GRM1: variants seen among roughly 807,000 people sequenced by gnomAD.
GRM1 encodes the protein metabotropic glutamate receptor 1.
GRM1 carries 33 observed loss-of-function variants against 90.9 expected under a neutral mutation model. The observed-to-expected ratio is 0.36, with a 90% confidence interval of 0.28 to 0.49. The LOEUF is 0.49. Among genes scored for constraint, GRM1 ranks in the 20% least tolerant of loss-of-function variants. GRM1 has a pLI of 0.99. For missense variants in GRM1, 1,190 were observed against 1,534.3 expected (o/e 0.78, Z 3.75); for synonymous variants, 700 against 613.2 (o/e 1.14, Z -2.09).
At chr6:146,219,907 T>TTTTG (rs1780000378) in intron 2 of GRM1, among the ~76,000 whole-genome samples, 1 of 148,402 alleles carries the variant, frequency 6.7e-6, no homozygotes, top group African/African-American at 2.5e-5. Flanking sequence ...TCTTGTTGTT[T>TTTTG]TGTGTGTGTG....
Position 146,370,600 on chromosome 6 carries a change from A to G in GRM1, c.1602+12906A>G, listed in dbSNP as rs563376193. 7.2e-5 allele frequency among the ~76,000 whole-genome samples: 11 copies of G among 152,124 alleles called. No individual in the cohort carries two copies. In the South Asian group the frequency reaches 2.1e-3, roughly 29 times the overall value. On this transcript the variant is annotated intron_variant, in intron 5 of 7. Transcript: ENST00000282753. ...CCATTTATTTATTCCCATGCATAACATCATGTGGGCCACAGCGGGTCACTA... is the reference window on the plus strand; with the variant it reads ...CCATTTATTTATTCCCATGCATAACGTCATGTGGGCCACAGCGGGTCACTA...
intron 7 of GRM1, among the ~76,000 whole-genome samples, chr6:146,418,872 A>G (rs1777883912): frequency 6.6e-6 from 1 of 152,110 alleles, no homozygotes; most frequent in Non-Finnish European, 1.5e-5. Flanking sequence ...TTCACGCTTA[A>G]AAGTAATGTT....
upstream of GRM1, among the ~76,000 whole-genome samples, chr6:146,029,019 G>C (rs1790605666): frequency 6.6e-6 from 1 of 152,198 alleles, no homozygotes. Context: ...AGGACAGAGG[G>C]GGCAGGACAC....
chr6:146,146,957 C>T (rs1777133352), intron 1 of GRM1, among the ~76,000 whole-genome samples: 1 of 152,202 alleles, frequency 6.6e-6, no homozygotes, highest in Non-Finnish European at 1.5e-5. Flanking sequence ...TGCTACACCT[C>T]CAGGCTCAAG....
intron 2 of GRM1, among the ~76,000 whole-genome samples, chr6:146,282,416 T>C (rs1421142345): frequency 6.6e-6 from 1 of 152,156 alleles, no homozygotes. Context: ...GGGTCACTGC[T>C]TCATATCCGT....
intron 2 of GRM1, among the ~76,000 whole-genome samples, chr6:146,249,946 G>T (rs1376566086): frequency 6.6e-6 from 1 of 152,198 alleles, no homozygotes; most frequent in Non-Finnish European, 1.5e-5. Flanking sequence ...AGTCAAAGGA[G>T]ATTATTTTGG....
chr6:146,267,410 TAGTC>T (rs746093318), intron 2 of GRM1, among the ~76,000 whole-genome samples: 8 of 152,276 alleles, frequency 5.3e-5, no homozygotes, highest in South Asian at 2.1e-4. Context: ...ACTCATGTAT[TAGTC>T]AGGGTTCTCT....
intron 2 of GRM1, among the ~76,000 whole-genome samples, chr6:146,257,256 T>C (rs1781514870): frequency 6.6e-6 from 1 of 152,192 alleles, no homozygotes; most frequent in African/African-American, 2.4e-5. Flanking sequence ...TTTCACCTTA[T>C]ACAATCAGAT....
At position 146,255,680 on chromosome 6, in the gene GRM1, C is replaced by T. The variant is rs77262667; in HGVS notation, c.951-48931C>T. On this transcript the variant is annotated intron_variant, in intron 2 of 7. Transcript: ENST00000282753. ...TCTTCAAACCAGCCTTCTCTACTGGCGAAATCATCTCTTTTTACAAATGTT... is the reference window on the plus strand; with the variant it reads ...TCTTCAAACCAGCCTTCTCTACTGGTGAAATCATCTCTTTTTACAAATGTT... Among the ~76,000 whole-genome samples, 269 of 152,248 alleles carry T rather than the reference C, an allele frequency of 1.8e-3. 1 individual carries two copies. The highest frequency in any genetic ancestry group is 6.3e-3 in the African/African-American group (263 of 41,540).
In GRM1 at chr6:146,090,208, C is replaced by T. The variant is rs976431904; in HGVS notation, c.700+59991C>T. 2.6e-5 allele frequency among the ~76,000 whole-genome samples: 4 copies of T among 152,062 alleles called. 1 individual carries two copies. The highest frequency in any genetic ancestry group is 1.3e-4 in the Admixed American group (2 of 15,240). ...ATAGCAAATTGTAGCCTCCTTGAGGCCATGGGTTTAGAGAGCAACTCTTAA... is the reference window on the plus strand; with the variant it reads ...ATAGCAAATTGTAGCCTCCTTGAGGTCATGGGTTTAGAGAGCAACTCTTAA... On this transcript the variant is annotated intron_variant, in intron 1 of 7. Coordinates refer to ENST00000282753, the MANE Select transcript of GRM1 (RefSeq NM_001278064.2).
chr6:146,366,944 C>G (rs79032308), intron 5 of GRM1, among the ~76,000 whole-genome samples: 1 of 152,076 alleles, frequency 6.6e-6, no homozygotes, highest in East Asian at 1.9e-4. Context: ...GTTGCCTGTG[C>G]TTTTGAGGTT....
chr6:146,101,738 C>T (rs915038585), intron 1 of GRM1, among the ~76,000 whole-genome samples: 7 of 151,366 alleles, frequency 4.6e-5, no homozygotes, highest in Non-Finnish European at 1.5e-5. Context: ...TGGTATATAT[C>T]ACTGGTAAAT....
chr6:146,064,871 AT>A (rs770108740), intron 1 of GRM1, among the ~76,000 whole-genome samples: 13 of 151,790 alleles, frequency 8.6e-5, no homozygotes, highest in East Asian at 3.9e-4. Context: ...TAGTTACAGA[AT>A]TTTTTTCGAG....
At position 146,269,469 on chromosome 6, in the gene GRM1, A is replaced by G. The variant is rs139892917; in HGVS notation, c.951-35142A>G. On this transcript the variant is annotated intron_variant, in intron 2 of 7. Transcript: ENST00000282753. The stretch of plus-strand genomic sequence containing the variant: ...ACATACACACTTCACAGAGAAGAGA[A>G]TCTGGATTTTGGCTGGTTGTTTCAG... Among the ~76,000 whole-genome samples, 31 of 152,344 alleles carry G rather than the reference A, an allele frequency of 2.0e-4. 1 individual carries two copies. The East Asian group carries it at 6.0e-3, about 29-fold the overall frequency.
intron 2 of GRM1, among the ~76,000 whole-genome samples, chr6:146,301,599 A>G (rs189919702): frequency 1.3e-5 from 2 of 152,278 alleles, no homozygotes; most frequent in East Asian, 3.9e-4. Context: ...ACACACTTCA[A>G]CCCTAACCTT....
At chr6:146,283,611 AATGATAATACCTC>A (rs1782659087) in intron 2 of GRM1, among the ~76,000 whole-genome samples, 1 of 152,184 alleles carries the variant, frequency 6.6e-6, no homozygotes, top group African/African-American at 2.4e-5. Context: ...AGTGGAAGAA[AATGATAATACCTC>A]ATATTTATTA....
At chr6:146,203,134 C>T (rs1480203548) in intron 2 of GRM1, among the ~76,000 whole-genome samples, 1 of 151,806 alleles carries the variant, frequency 6.6e-6, no homozygotes, top group African/African-American at 2.4e-5. Flanking sequence ...GCGGAGCTTG[C>T]AGTGAGCCAA....
intron 3 of GRM1, among the ~76,000 whole-genome samples, chr6:146,312,349 CAAAAAAAAAAAAAA>C (rs1166008558): frequency 6.4e-3 from 136 of 21,344 alleles, no homozygotes; most frequent in African/African-American, 0.016. Flanking sequence ...AACTCCGTCT[CAAAAAAAAAAAAAA>C]AAAAAAAAAA....
At chr6:146,260,923 G>T (rs1781675454) in intron 2 of GRM1, among the ~76,000 whole-genome samples, 1 of 138,584 alleles carries the variant, frequency 7.2e-6, no homozygotes, top group Admixed American at 7.9e-5. Context: ...TCTCTTTCTT[G>T]CTCACCTCTA....
Sources: gnomAD v4.1 joint callset for allele counts (sites outside exome capture counted in the v4.1 genomes callset) on GRCh38, gnomAD v4.1.1 for gene constraint, MANE v1.5 for transcripts, NCBI Gene and HGNC (gene_info 2026-07-23, HGNC 2026-07-21) for gene names.